PKD2: variants seen among roughly 807,000 people sequenced by gnomAD.
PKD2 encodes polycystin 2, transient receptor potential cation channel, also known as polycystin-2.
In PKD2, 48 loss-of-function variants were observed where a neutral mutation model predicts 105.9. That is an observed-to-expected ratio of 0.45 (90% confidence interval 0.36 to 0.58). The LOEUF (loss-of-function observed/expected upper bound fraction) is 0.58. Ranked by LOEUF, PKD2 falls within the 20% of genes least tolerant of loss-of-function variation. The pLI, the probability that PKD2 is intolerant of heterozygous loss-of-function variation, is 0.00. For missense variants in PKD2, 1,078 were observed against 1,255.3 expected (o/e 0.86, Z 2.13); for synonymous variants, 464 against 481.1 (o/e 0.96, Z 0.46).
chr4:88,008,148 C>G lies in PKD2; in HGVS notation c.415C>G (p.Arg139Gly). Residue 139 changes from arginine to glycine, a missense_variant, in exon 1 of 15, where the codon CGG becomes GGG. By Grantham distance (125) the Arg-to-Gly change is moderately radical. Transcript: ENST00000237596. The stretch of plus-strand genomic sequence containing the variant: ...CGTGAGCTCCGTGGGCGCGCGGAGC[C>G]GGGGGCTTGGGGGCTACCACGGCGC... ...SAVSSVGARSRGLGGYHGAGH... is the reference protein window; with the variant it reads ...SAVSSVGARSGGLGGYHGAGH... 6.8e-7 allele frequency: 1 copy of G among 1,478,200 alleles called. No homozygotes were observed. The highest frequency in any genetic ancestry group is 2.9e-5 in the East Asian group (1 of 34,680). 91.6% of individuals were successfully genotyped at this position (1,478,200 alleles called of 1,614,324 possible). A position where few individuals can be genotyped will look rare whatever the true frequency, so the allele number is the denominator to read the frequency against.
rs767834136 is a variant in PKD2, at chr4:88,036,367, A to G, written c.843+14A>G. ...GACTTCTGGAAGGTATTTGCAAATAACTTTGAAAGTACCTCTCTATCACAG... is the reference window on the plus strand; with the variant it reads ...GACTTCTGGAAGGTATTTGCAAATAGCTTTGAAAGTACCTCTCTATCACAG... On this transcript the variant is annotated intron_variant, in intron 3 of 14. Transcript: ENST00000237596. The G allele has an allele frequency of 1.1e-5, 17 of 1,609,630 alleles. No homozygotes were observed. In the South Asian group the frequency reaches 1.4e-4, roughly 14 times the overall value.
intron 4 of PKD2, among the ~76,000 whole-genome samples, chr4:88,039,679 A>AAG (rs57537041): frequency 2.0e-5 from 3 of 151,742 alleles, no homozygotes; most frequent in African/African-American, 7.3e-5. Flanking sequence ...AAAAAAAAAA[A>AAG]CAAATTTAGT....
intron 6 of PKD2, among the ~76,000 whole-genome samples, chr4:88,051,651 CAG>C (rs1343568001): frequency 6.6e-6 from 1 of 152,182 alleles, no homozygotes; most frequent in African/African-American, 2.4e-5. Context: ...GCAGAAAAAA[CAG>C]AAAGCATTCC....
At chr4:88,056,678 A>G (rs1578142013) in intron 8 of PKD2, among the ~76,000 whole-genome samples, 1 of 152,240 alleles carries the variant, frequency 6.6e-6, no homozygotes, top group East Asian at 1.9e-4. Context: ...ATTCTAAGGT[A>G]AACTCAGACC....
intron 2 of PKD2, among the ~76,000 whole-genome samples, chr4:88,031,112 A>C (rs1160528570): frequency 6.6e-6 from 1 of 152,200 alleles, no homozygotes; most frequent in Non-Finnish European, 1.5e-5. Context: ...ATAGAGCCAC[A>C]GATCCCAGTC....
At chr4:88,053,919 C>A (rs1049938266) in intron 7 of PKD2, among the ~76,000 whole-genome samples, 20 of 152,052 alleles carry the variant, frequency 1.3e-4, no homozygotes, top group African/African-American at 4.3e-4. Flanking sequence ...GACCAAGGGA[C>A]TGAATTTTTA....
intron 1 of PKD2, among the ~76,000 whole-genome samples, chr4:88,013,447 A>C (rs1726452079): frequency 6.6e-6 from 1 of 152,226 alleles, no homozygotes. Context: ...ACAGCCGCTC[A>C]TGCCTATAGT....
intron 4 of PKD2, among the ~76,000 whole-genome samples, chr4:88,041,766 G>A (rs142340890): frequency 1.9e-3 from 284 of 152,246 alleles, no homozygotes; most frequent in African/African-American, 6.4e-3. Flanking sequence ...CTCTCTTACC[G>A]GTCAGGGAAA....
chr4:88,056,202 T>C lies in PKD2; in HGVS notation c.1833T>C (p.Tyr611=), dbSNP rs1262972183. Residue 611 remains tyrosine (Y), a synonymous_variant, in exon 8 of 15, where the codon TAT becomes TAC. Transcript: ENST00000237596. ...AIMFFIIFLA[Y]AQLAYLVFGT... is the part of the protein sequence containing the mutation. ...TGTTCTTCATTATTTTCCTAGCGTATGCTCAGTTGGCATACCTTGTCTTTG... is the reference window on the plus strand; with the variant it reads ...TGTTCTTCATTATTTTCCTAGCGTACGCTCAGTTGGCATACCTTGTCTTTG... The C allele has an allele frequency of 6.2e-7, 1 of 1,613,718 alleles. No homozygotes were observed. Among genetic ancestry groups the C allele is most frequent in the Non-Finnish European group, 8.5e-7 (1 of 1,179,642 alleles).
intron 2 of PKD2, among the ~76,000 whole-genome samples, chr4:88,024,040 A>G (rs984383566): frequency 6.6e-6 from 1 of 152,338 alleles, no homozygotes; most frequent in African/African-American, 2.4e-5. Flanking sequence ...GAGAGTTGCT[A>G]TGAATTCACC....
At chr4:88,055,411 A>C (rs1720287484) in intron 7 of PKD2, among the ~76,000 whole-genome samples, 1 of 152,010 alleles carries the variant, frequency 6.6e-6, no homozygotes, top group South Asian at 2.1e-4. Context: ...GTCACAGTTC[A>C]CGGCAGCCTC....
chr4:88,054,160 C>T (rs1442425321), intron 7 of PKD2, among the ~76,000 whole-genome samples: 1 of 151,788 alleles, frequency 6.6e-6, no homozygotes, highest in Admixed American at 6.6e-5. Flanking sequence ...CTTTGGGAGG[C>T]TGAGGCGGGC....
intron 3 of PKD2, among the ~76,000 whole-genome samples, chr4:88,037,432 G>A (rs1264159240): frequency 6.6e-6 from 1 of 152,166 alleles, no homozygotes; most frequent in East Asian, 1.9e-4. Flanking sequence ...AATTGGAAGG[G>A]AAATTGAAAA....
chr4:88,066,633 A>G (rs996563898), intron 12 of PKD2, among the ~76,000 whole-genome samples: 2 of 152,170 alleles, frequency 1.3e-5, no homozygotes, highest in South Asian at 4.1e-4. Context: ...GATTACAGGC[A>G]GTAGCCACCG....
intron 5 of PKD2, among the ~76,000 whole-genome samples, chr4:88,044,674 C>T (rs889709048): frequency 1.3e-5 from 2 of 152,220 alleles, no homozygotes; most frequent in Non-Finnish European, 2.9e-5. Context: ...AAACTTAATG[C>T]ACATAGCCTG....
Position 88,056,039 on chromosome 4 carries a change from C to T in PKD2, c.1717-47C>T, listed in dbSNP as rs200424227. On this transcript the variant is annotated intron_variant, in intron 7 of 14. Coordinates refer to ENST00000237596, the MANE Select transcript of PKD2 (RefSeq NM_000297.4). The stretch of plus-strand genomic sequence containing the variant: ...TAATGTTTTATTATATACAGTCACA[C>T]CATTTTGTTTATCCATTCATCTATT... 4 of 1,151,640 alleles carry T rather than the reference C, an allele frequency of 3.5e-6. No homozygotes were observed. In the Middle Eastern group the frequency reaches 5.8e-4, roughly 167 times the overall value. The allele number at this position is 1,151,640 out of a possible 1,614,324, so 71.3% of individuals were successfully genotyped here.
chr4:88,047,605 C>T (rs551137522), intron 6 of PKD2, among the ~76,000 whole-genome samples: 7 of 152,138 alleles, frequency 4.6e-5, no homozygotes, highest in Middle Eastern at 3.4e-3. Flanking sequence ...ATATTTTGTG[C>T]GGCAGAGAAA....
chr4:88,068,817 TG>T (rs1720891892), intron 13 of PKD2, among the ~76,000 whole-genome samples: 1 of 152,202 alleles, frequency 6.6e-6, no homozygotes, highest in Admixed American at 6.5e-5. Flanking sequence ...TGCCTAGATG[TG>T]GTATTCACGT....
Position 88,007,659 on chromosome 4 carries a change from A to T in PKD2, c.-75A>T. 1 of 991,346 alleles carries T rather than the reference A, an allele frequency of 1.0e-6. No homozygotes were observed. Among genetic ancestry groups the T allele is most frequent in the Non-Finnish European group, 1.2e-6 (1 of 815,918 alleles). The allele number at this position is 991,346 out of a possible 1,614,324, so 61.4% of individuals were successfully genotyped here. A position where few individuals can be genotyped will look rare whatever the true frequency, so the allele number is the denominator to read the frequency against. ...CAGGCGGCGGCGGGCGCCGGGAAGA[A>T]AGGAACATGGCTCCTGAGGCGCACA... On this transcript the variant is annotated 5_prime_UTR_variant, in exon 1 of 15. Transcript: ENST00000237596.
Sources: allele counts gnomAD v4.1 joint callset (sites outside exome capture counted in the v4.1 genomes callset), GRCh38; gene constraint gnomAD v4.1.1; transcripts MANE v1.5; gene names NCBI Gene and HGNC (gene_info 2026-07-23, HGNC 2026-07-21).